Variants in GPM6A observed in about 807,000 individuals in gnomAD.
GPM6A encodes glycoprotein M6A, also known as neuronal membrane glycoprotein M6-a.
A neutral mutation model predicts 32.1 loss-of-function variants in GPM6A; 7 were observed. That is an observed-to-expected ratio of 0.22 (90% confidence interval 0.12 to 0.41). GPM6A has a LOEUF of 0.41. GPM6A is among the 10% of genes least tolerant of loss of function. The pLI is 1.00. For missense variants in GPM6A, 235 were observed against 347.2 expected, an observed-to-expected ratio of 0.68 and a Z score of 2.57; for synonymous variants, 130 against 123.4, an observed-to-expected ratio of 1.05 and a Z score of -0.35.
At chr4:175,687,192 G>A (rs1744029948) in intron 2 of GPM6A, among the ~76,000 whole-genome samples, 1 of 152,004 alleles carries the variant, frequency 6.6e-6, no homozygotes, top group Non-Finnish European at 1.5e-5. Flanking sequence ...ACAGAATATG[G>A]GATTTACTCT....
chr4:175,734,345 TA>T (rs1203954919), intron 1 of GPM6A, among the ~76,000 whole-genome samples: 1 of 152,000 alleles, frequency 6.6e-6, no homozygotes, highest in Non-Finnish European at 1.5e-5. Context: ...CATTTCCCTG[TA>T]AAAAACACTC....
intron 1 of GPM6A, among the ~76,000 whole-genome samples, chr4:175,910,809 T>C (rs1020663828): frequency 2.2e-4 from 33 of 152,316 alleles, no homozygotes; most frequent in African/African-American, 6.7e-4. Flanking sequence ...AATAAATATT[T>C]TAGGCTTTAT....
At chr4:175,955,970 T>C (rs1395738865) in intron 1 of GPM6A, among the ~76,000 whole-genome samples, 1 of 152,026 alleles carries the variant, frequency 6.6e-6, no homozygotes, top group African/African-American at 2.4e-5. Context: ...ACCTTGAAAA[T>C]AGACAAATAC....
intron 6 of GPM6A, among the ~76,000 whole-genome samples, chr4:175,638,132 G>C (rs1039049280): frequency 1.3e-5 from 2 of 150,410 alleles, no homozygotes; most frequent in East Asian, 1.9e-4. Flanking sequence ...TAATGGAGTA[G>C]AGTAGAACAG....
chr4:175,751,300 CAT>C (rs1732326734), intron 1 of GPM6A, among the ~76,000 whole-genome samples: 1 of 151,976 alleles, frequency 6.6e-6, no homozygotes, highest in African/African-American at 2.4e-5. Flanking sequence ...ACATTTAGGA[CAT>C]ATGAAATGAA....
intron 3 of GPM6A, among the ~76,000 whole-genome samples, chr4:175,672,243 C>T (rs748692657): frequency 1.6e-4 from 25 of 152,170 alleles, no homozygotes; most frequent in Non-Finnish European, 2.8e-4. Flanking sequence ...TTTCAGACCC[C>T]CTTATCTCTT....
At chr4:175,978,389 G>T (rs1740724172) in intron 1 of GPM6A, among the ~76,000 whole-genome samples, 1 of 152,134 alleles carries the variant, frequency 6.6e-6, no homozygotes, top group Non-Finnish European at 1.5e-5. Context: ...TTCCTCGACA[G>T]GTGGGGCTTA....
chr4:175,921,154 C>T (rs117306063), intron 1 of GPM6A, among the ~76,000 whole-genome samples: 2 of 152,216 alleles, frequency 1.3e-5, no homozygotes, highest in East Asian at 1.9e-4. Context: ...AATTTTAACA[C>T]TGAAATCTTT....
intron 1 of GPM6A, among the ~76,000 whole-genome samples, chr4:176,001,399 G>A (rs897255406): frequency 3.9e-5 from 6 of 152,282 alleles, no homozygotes; most frequent in Middle Eastern, 3.4e-3. Context: ...GCCAGTCCAG[G>A]GATGGCGAGT....
intron 1 of GPM6A, among the ~76,000 whole-genome samples, chr4:175,844,032 C>T (rs555848301): frequency 6.6e-6 from 1 of 152,256 alleles, no homozygotes; most frequent in South Asian, 2.1e-4. Context: ...TAGCAGCTAC[C>T]CTTAATGTCT....
chr4:175,741,081 A>G (rs961818888), intron 1 of GPM6A, among the ~76,000 whole-genome samples: 1 of 152,052 alleles, frequency 6.6e-6, no homozygotes, highest in Non-Finnish European at 1.5e-5. Flanking sequence ...GAACTGTCTA[A>G]TTGGTTCTCC....
chr4:175,813,046 ATT>A (rs1478445512), upstream of GPM6A: 7 of 984,372 alleles, frequency 7.1e-6, no homozygotes, highest in African/African-American at 1.2e-4. Flanking sequence ...GTTTTAAGTA[ATT>A]ATTTTACTTA....
At chr4:175,754,348 G>A (rs1288477203) in intron 1 of GPM6A, among the ~76,000 whole-genome samples, 1 of 152,040 alleles carries the variant, frequency 6.6e-6, no homozygotes, top group African/African-American at 2.4e-5. Flanking sequence ...ATTGAAAGGT[G>A]GATGTTTAAC....
chr4:175,795,454 A>G (rs183260454), intron 1 of GPM6A, among the ~76,000 whole-genome samples: 3 of 152,314 alleles, frequency 2.0e-5, no homozygotes, highest in Admixed American at 2.0e-4. Flanking sequence ...AGATTACATT[A>G]TAAAAGCACT....
chr4:175,846,783 C>A (rs376056242), intron 1 of GPM6A, among the ~76,000 whole-genome samples: 1 of 152,004 alleles, frequency 6.6e-6, no homozygotes, highest in Admixed American at 6.6e-5. Context: ...TAGAATGTAG[C>A]AATTATATTA....
chr4:175,769,076 C>T (rs1015221170), intron 1 of GPM6A, among the ~76,000 whole-genome samples: 1 of 152,064 alleles, frequency 6.6e-6, no homozygotes, highest in African/African-American at 2.4e-5. Context: ...GCCTGGGCAG[C>T]AGAGTGAGAC....
chr4:175,707,670 A>G (rs1479371290), intron 1 of GPM6A, among the ~76,000 whole-genome samples: 1 of 151,664 alleles, frequency 6.6e-6, no homozygotes, highest in Non-Finnish European at 1.5e-5. Context: ...CTTTTACTTT[A>G]TCTTCTTATT....
intron 1 of GPM6A, among the ~76,000 whole-genome samples, chr4:175,861,853 G>A (rs559225558): frequency 3.9e-4 from 58 of 149,854 alleles, no homozygotes; most frequent in Admixed American, 1.5e-3. Flanking sequence ...ATTTAAGGTT[G>A]TTTTCCAAAT....
At chr4:175,864,697 C>CTATTCATG (rs1420366860) in intron 1 of GPM6A, among the ~76,000 whole-genome samples, 1 of 152,138 alleles carries the variant, frequency 6.6e-6, no homozygotes, top group East Asian at 1.9e-4. Flanking sequence ...TGGGGGCATA[C>CTATTCATG]TATTCATGTA....
Sources: gnomAD v4.1 joint callset for allele counts (sites outside exome capture counted in the v4.1 genomes callset) on GRCh38, gnomAD v4.1.1 for gene constraint, MANE v1.5 for transcripts, NCBI Gene and HGNC (gene_info 2026-07-23, HGNC 2026-07-21) for gene names.